Variants in ANKS6 observed in about 807,000 individuals in gnomAD.
ANKS6 encodes ankyrin repeat and sterile alpha motif domain containing 6.
ANKS6 carries 47 observed loss-of-function variants against 77.9 expected under a neutral mutation model. The ratio of observed to expected loss-of-function variants is 0.60; its 90% CI spans 0.48 to 0.77. The LOEUF is 0.77. ANKS6 is among the 30% of genes least tolerant of loss of function. The pLI is 0.00. For missense variants in ANKS6, 1,150 were observed against 1,159.1 expected, an observed-to-expected ratio of 0.99 and a Z score of 0.11; for synonymous variants, 488 against 501.7, an observed-to-expected ratio of 0.97 and a Z score of 0.37.
chr9:98,773,161 G>T (rs932479753), intron 9 of ANKS6, among the ~76,000 whole-genome samples: 1 of 152,182 alleles, frequency 6.6e-6, no homozygotes, highest in Admixed American at 6.5e-5. Flanking sequence ...ATCTCCAGGC[G>T]CCAGGCTCTT....
Position 98,780,339 on chromosome 9 carries a change from T to G in ANKS6, c.1220-2A>C. 1 of 1,585,760 alleles carries G rather than the reference T, an allele frequency of 6.3e-7. No individual in the cohort carries two copies. The highest frequency in any genetic ancestry group is 8.6e-7 in the Non-Finnish European group (1 of 1,164,402). On this transcript the variant is annotated splice_acceptor_variant, in intron 5 of 14. Transcript: ENST00000353234. LOFTEE classifies it high-confidence loss of function. ...CCAGCAGTCGAACAAGTTCCGTGTC[T>G]ATGGACACAAAAGGCATCATTTTAC...
At chr9:98,738,585 A>AT (rs1377045770) in intron 14 of ANKS6, among the ~76,000 whole-genome samples, 4 of 152,036 alleles carry the variant, frequency 2.6e-5, no homozygotes, top group Non-Finnish European at 4.4e-5. Context: ...ATAAAATAAA[A>AT]AAAAAAACAG....
At chr9:98,786,277 C>A (rs904179429) in intron 2 of ANKS6, among the ~76,000 whole-genome samples, 3 of 150,792 alleles carry the variant, frequency 2.0e-5, no homozygotes, top group Non-Finnish European at 2.9e-5. Flanking sequence ...CCGCTCCAGG[C>A]CGGAACTCCA....
Position 98,796,227 on chromosome 9 carries a change from C to T in ANKS6, c.265G>A (p.Gly89Ser). Residue 89 changes from glycine to serine, a missense_variant, in exon 1 of 15, where the codon GGC becomes AGC. Physicochemically the swap from Gly to Ser is moderately conservative, Grantham distance 56 (BLOSUM62 0). Transcript: ENST00000353234. ...AGGAAGCGCACCAGCGGTTCGTGGCCCCCGGCCGCGGCGAACTGCAGTGCG... is the reference window on the plus strand; with the variant it reads ...AGGAAGCGCACCAGCGGTTCGTGGCTCCCGGCCGCGGCGAACTGCAGTGCG... The part of the protein sequence containing the change: ...NTALQFAAAG[G>S]HEPLVRFLLR... 2 of 1,408,210 alleles carry T rather than the reference C, an allele frequency of 1.4e-6. No individual in the cohort carries two copies. Among genetic ancestry groups the T allele is most frequent in the Non-Finnish European group, 1.9e-6 (2 of 1,079,284 alleles). 87.2% of individuals were successfully genotyped at this position (1,408,210 alleles called of 1,614,324 possible).
chr9:98,750,131 G>T (rs1341191795), intron 13 of ANKS6, among the ~76,000 whole-genome samples: 1 of 152,100 alleles, frequency 6.6e-6, no homozygotes, highest in Non-Finnish European at 1.5e-5. Flanking sequence ...ACCCCCAAAA[G>T]AAACCGTGTA....
intron 8 of ANKS6, among the ~76,000 whole-genome samples, chr9:98,776,196 T>C (rs1833909563): frequency 6.6e-6 from 1 of 152,136 alleles, no homozygotes; most frequent in African/African-American, 2.4e-5. Flanking sequence ...TGCTAAGAAC[T>C]TCCTGGGAGT....
At chr9:98,742,136 G>C (rs1417511173) in intron 14 of ANKS6, among the ~76,000 whole-genome samples, 10 of 152,122 alleles carry the variant, frequency 6.6e-5, no homozygotes, top group Non-Finnish European at 1.3e-4. Flanking sequence ...CCTGGTCTGG[G>C]GTCTCTAATG....
Position 98,783,949 on chromosome 9 carries a change from T to C in ANKS6, c.1112+4A>G. On this transcript the variant is annotated splice_donor_region_variant and intron_variant, in intron 4 of 14. Transcript: ENST00000353234. ...GTCGCTGAGGGCGTGGGGCTGGCAC[T>C]GACCCATGGTAGGTTGCCTGCATGA... 1 of 1,579,726 alleles carries C rather than the reference T, an allele frequency of 6.3e-7. No individual in the cohort carries two copies.
In ANKS6 at chr9:98,760,167, G is replaced by A. The variant is rs559307624; in HGVS notation, c.2143-3564C>T. Among the ~76,000 whole-genome samples, 6 of 152,262 alleles carry A rather than the reference G, an allele frequency of 3.9e-5. No homozygotes were observed. In the East Asian group the frequency reaches 1.2e-3, roughly 29 times the overall value. Reference sequence around the variant, plus strand: ...TACCATGCATAGGGCAAGGCACGGAGGAAGGGGCAAGGAGCTCCCACACTC... The same window carrying A: ...TACCATGCATAGGGCAAGGCACGGAAGAAGGGGCAAGGAGCTCCCACACTC... On this transcript the variant is annotated intron_variant, in intron 11 of 14. Coordinates refer to ENST00000353234, the MANE Select transcript of ANKS6 (RefSeq NM_173551.5).
intron 2 of ANKS6, 31 bp from the exon 3 acceptor site, chr9:98,784,907 A>G: frequency 1.2e-6 from 2 of 1,603,482 alleles, no homozygotes; most frequent in Non-Finnish European, 1.7e-6. Context: ...AAAGTTAACC[A>G]CGGAAAGGTT....
In ANKS6 at chr9:98,735,754, T is replaced by C; in HGVS notation, c.*765A>G. ...ATCCACACAGCAGGCCTCCACTTCT[T>C]TCCTTCTATAATAGACTCTCTTTGC... On this transcript the variant is annotated 3_prime_UTR_variant, in exon 15 of 15. Coordinates refer to ENST00000353234, the MANE Select transcript of ANKS6 (RefSeq NM_173551.5). The C allele has an allele frequency of 8.1e-6, 10 of 1,231,766 alleles. No homozygotes were observed. The highest frequency in any genetic ancestry group is 1.0e-5 in the Non-Finnish European group (10 of 987,974). 76.3% of individuals were successfully genotyped at this position (1,231,766 alleles called of 1,614,324 possible). A position where few individuals can be genotyped will look rare whatever the true frequency, so the allele number is the denominator to read the frequency against.
At chr9:98,796,001 C>CA in intron 1 of ANKS6, 132 bp downstream of exon 1, 1 of 889,408 alleles carries the variant, frequency 1.1e-6, no homozygotes, top group Non-Finnish European at 1.5e-6. Flanking sequence ...AAAGACTACT[C>CA]AAAGTTTACC....
chr9:98,779,929 TGGGA>T (rs1834144361), intron 6 of ANKS6, among the ~76,000 whole-genome samples: 1 of 152,230 alleles, frequency 6.6e-6, no homozygotes, highest in Non-Finnish European at 1.5e-5. Context: ...CTCAAAGTGC[TGGGA>T]TTACAGGCGT....
In ANKS6 at chr9:98,735,360, A is replaced by T; in HGVS notation, c.*1159T>A. 1 of 1,060,872 alleles carries T rather than the reference A, an allele frequency of 9.4e-7. No individual in the cohort carries two copies. Among genetic ancestry groups the T allele is most frequent in the Non-Finnish European group, 1.1e-6 (1 of 880,228 alleles). The allele number at this position is 1,060,872 out of a possible 1,614,324, so 65.7% of individuals were successfully genotyped here. A position where few individuals can be genotyped will look rare whatever the true frequency, so the allele number is the denominator to read the frequency against. On this transcript the variant is annotated 3_prime_UTR_variant, in exon 15 of 15. Coordinates refer to ENST00000353234, the MANE Select transcript of ANKS6 (RefSeq NM_173551.5). ...GCACACTTGGCACCTGGTAGCTAAC[A>T]TAAATGCAACAAGCACTGGCTGAAT...
At chr9:98,741,580 C>A (rs1224328573) in intron 14 of ANKS6, among the ~76,000 whole-genome samples, 2 of 152,188 alleles carry the variant, frequency 1.3e-5, no homozygotes, top group Non-Finnish European at 2.9e-5. Flanking sequence ...TCAATATGCA[C>A]TGCATTGACA....
rs565854020 is a variant in ANKS6, at chr9:98,740,001, C to T, written c.2512-3378G>A. Reference sequence around the variant, plus strand: ...CGATCTCCTGACCTCGTGATCCGCCCGCCTCGGCCTCCCAAAGTGGGATTA... The same window carrying T: ...CGATCTCCTGACCTCGTGATCCGCCTGCCTCGGCCTCCCAAAGTGGGATTA... On this transcript the variant is annotated intron_variant, in intron 14 of 14. Transcript: ENST00000353234. Among the ~76,000 whole-genome samples the T allele has an allele frequency of 1.3e-4, 20 of 151,950 alleles. No homozygotes were observed. In the South Asian group the frequency reaches 3.3e-3, roughly 25 times the overall value.
intron 1 of ANKS6, among the ~76,000 whole-genome samples, chr9:98,790,880 CT>C (rs1217377869): frequency 2.6e-5 from 4 of 152,200 alleles, no homozygotes; most frequent in African/African-American, 9.7e-5. Flanking sequence ...ATTTCCTGAT[CT>C]GCAAAATGGG....
chr9:98,741,209 G>A (rs891983706), intron 14 of ANKS6, among the ~76,000 whole-genome samples: 2 of 152,212 alleles, frequency 1.3e-5, no homozygotes, highest in Non-Finnish European at 2.9e-5. Flanking sequence ...ATATGAAAAA[G>A]AGTTCTTAAT....
intron 2 of ANKS6, among the ~76,000 whole-genome samples, chr9:98,785,838 C>A (rs569754211): frequency 1.3e-5 from 2 of 152,148 alleles, no homozygotes; most frequent in Non-Finnish European, 2.9e-5. Context: ...TGAATTTCAG[C>A]GCACATTTTT....
Sources: allele counts gnomAD v4.1 joint callset (sites outside exome capture counted in the v4.1 genomes callset), GRCh38; gene constraint gnomAD v4.1.1; transcripts MANE v1.5; gene names NCBI Gene and HGNC (gene_info 2026-07-23, HGNC 2026-07-21).